The following USP7 variants were observed in gnomAD, a reference collection of about 807,000 sequenced individuals.
USP7 encodes the protein ubiquitin C-terminal hydrolase 7.
In USP7, 9 loss-of-function variants were observed where a neutral mutation model predicts 162.9. That is an observed-to-expected ratio of 0.06 (90% confidence interval 0.03 to 0.10). USP7 has a LOEUF of 0.10. Among genes scored for constraint, USP7 ranks in the 10% least tolerant of loss-of-function variants. The pLI is 1.00. For missense variants in USP7, 715 were observed against 1,373.7 expected (o/e 0.52, Z 7.58); for synonymous variants, 562 against 475.9 (o/e 1.18, Z -2.35).
chr16:8,906,716 T>G (rs1336248027), intron 12 of USP7, 134 bp from the exon 13 acceptor site: 3 of 829,174 alleles, frequency 3.6e-6, no homozygotes, highest in Admixed American at 5.6e-5. Flanking sequence ...GGAAGGCCTA[T>G]GAAGTACATA....
chr16:8,962,496 C>G (rs1900053693), intron 1 of USP7: 3 of 451,930 alleles, frequency 6.6e-6, no homozygotes, highest in South Asian at 1.6e-5. Context: ...AGGTTTGATT[C>G]TGATGCAGGC....
intron 23 of USP7, 53 bp downstream of exon 23, chr16:8,899,068 A>C: frequency 6.4e-7 from 1 of 1,560,962 alleles, no homozygotes; most frequent in Non-Finnish European, 8.8e-7. Context: ...GTTTCAATGA[A>C]CTGTGGAAAG....
At position 8,911,772 on chromosome 16, in the gene USP7, A is replaced by C. The variant is rs534119362; in HGVS notation, c.1079-945T>G. ...CAGAAAGCGAGATCTGGGGATGTGC[A>C]GTTTCTTCCGAAGCTGTCAGTGAGA... On this transcript the variant is annotated intron_variant, in intron 10 of 30. Coordinates refer to ENST00000344836, the MANE Select transcript of USP7 (RefSeq NM_003470.3). Among the ~76,000 whole-genome samples, 3 of 152,358 alleles carry C rather than the reference A, an allele frequency of 2.0e-5. No homozygotes were observed. In the East Asian group the frequency reaches 5.8e-4, roughly 29 times the overall value.
At chr16:8,947,252 T>C (rs1899327646) in intron 1 of USP7, among the ~76,000 whole-genome samples, 1 of 152,232 alleles carries the variant, frequency 6.6e-6, no homozygotes. Context: ...AATACACTTT[T>C]GGAAAATAAT....
intron 10 of USP7, among the ~76,000 whole-genome samples, chr16:8,914,904 C>T (rs1377217718): frequency 6.6e-6 from 1 of 152,202 alleles, no homozygotes; most frequent in African/African-American, 2.4e-5. Context: ...CAACAAGACC[C>T]TATCTCAAAA....
intron 1 of USP7, among the ~76,000 whole-genome samples, chr16:8,941,329 T>A (rs1393468953): frequency 6.6e-6 from 1 of 152,210 alleles, no homozygotes; most frequent in Non-Finnish European, 1.5e-5. Context: ...ATTTCATGCA[T>A]CCCCTAAAGG....
intron 10 of USP7, among the ~76,000 whole-genome samples, chr16:8,911,096 CA>C (rs1449698728): frequency 1.3e-5 from 2 of 152,168 alleles, no homozygotes; most frequent in African/African-American, 4.8e-5. Flanking sequence ...TCGAACAAAG[CA>C]CATACTGTAA....
At chr16:8,925,128 T>A (rs535029062) in intron 2 of USP7, among the ~76,000 whole-genome samples, 6 of 152,326 alleles carry the variant, frequency 3.9e-5, no homozygotes, top group African/African-American at 1.4e-4. Context: ...AAGAGACAGA[T>A]GTCAATTCCC....
intron 2 of USP7, among the ~76,000 whole-genome samples, chr16:8,926,522 G>C (rs897839568): frequency 1.3e-5 from 2 of 152,150 alleles, no homozygotes; most frequent in African/African-American, 4.8e-5. Flanking sequence ...AAAAGGAGAA[G>C]TGGACTTGGA....
chr16:8,902,736 A>G (rs2061795410), intron 16 of USP7, among the ~76,000 whole-genome samples: 1 of 152,068 alleles, frequency 6.6e-6, no homozygotes, highest in Non-Finnish European at 1.5e-5. Context: ...AAAAATACAA[A>G]AATCAGCTGG....
At chr16:8,899,002 A>C (rs1003841269) in intron 23 of USP7, 119 bp downstream of exon 23, 9 of 1,087,396 alleles carry the variant, frequency 8.3e-6, no homozygotes, top group Non-Finnish European at 1.2e-5. Context: ...GAAACTAAGC[A>C]AGAAATGGAC....
intron 1 of USP7, among the ~76,000 whole-genome samples, chr16:8,943,742 A>G (rs1430124000): frequency 1.3e-5 from 2 of 152,326 alleles, no homozygotes; most frequent in Non-Finnish European, 1.5e-5. Flanking sequence ...ATTAAAATCA[A>G]AATGTTGAAT....
intron 1 of USP7, among the ~76,000 whole-genome samples, chr16:8,957,937 C>T (rs1899875304): frequency 6.6e-6 from 1 of 152,108 alleles, no homozygotes; most frequent in African/African-American, 2.4e-5. Flanking sequence ...ACGTTAAAAG[C>T]AATAAAACTG....
At chr16:8,932,748 C>T (rs1898439288) in intron 1 of USP7, among the ~76,000 whole-genome samples, 1 of 151,832 alleles carries the variant, frequency 6.6e-6, no homozygotes, top group Admixed American at 6.6e-5. Context: ...AGTGACTGGC[C>T]CTAGAAAGTG....
intron 1 of USP7, chr16:8,956,352 A>G (rs1899798315): frequency 6.6e-6 from 1 of 152,244 alleles, no homozygotes; most frequent in Non-Finnish European, 1.5e-5. Context: ...TCAAACATTC[A>G]TGAAGTTAAA....
chr16:8,962,045 A>G (rs915365717), intron 1 of USP7, among the ~76,000 whole-genome samples: 1 of 152,216 alleles, frequency 6.6e-6, no homozygotes, highest in Admixed American at 6.5e-5. Context: ...TTCTATTCAG[A>G]GGTGAACACC....
At chr16:8,962,448 C>T (rs1295094255) in intron 1 of USP7, 1 of 446,196 alleles carries the variant, frequency 2.2e-6, no homozygotes, top group South Asian at 1.6e-5. Flanking sequence ...TGGAAAATTA[C>T]TGCCACATCG....
rs535411938 is a variant in USP7, at chr16:8,892,831, T to A, written c.*1167A>T. The A allele has an allele frequency of 6.6e-6, 1 of 152,012 alleles. No individual in the cohort carries two copies. The highest frequency in any genetic ancestry group is 1.5e-5 in the Non-Finnish European group (1 of 68,004). 9.4% of individuals were successfully genotyped at this position (152,012 alleles called of 1,614,324 possible). ...AACATTTTCCAGCAAAAAGGCAATATACAGGAAGAGTTGGTGTACACTGCT... is the reference window on the plus strand; with the variant it reads ...AACATTTTCCAGCAAAAAGGCAATAAACAGGAAGAGTTGGTGTACACTGCT... On this transcript the variant is annotated 3_prime_UTR_variant, in exon 31 of 31. Transcript: ENST00000344836.
intron 1 of USP7, among the ~76,000 whole-genome samples, chr16:8,950,516 T>G (rs1255920376): frequency 6.6e-6 from 1 of 152,144 alleles, no homozygotes; most frequent in African/African-American, 2.4e-5. Context: ...CCAAGGCAAT[T>G]AACCCCAACT....
Sources: gnomAD v4.1 joint callset for allele counts (sites outside exome capture counted in the v4.1 genomes callset) on GRCh38, gnomAD v4.1.1 for gene constraint, MANE v1.5 for transcripts, NCBI Gene and HGNC (gene_info 2026-07-23, HGNC 2026-07-21) for gene names.